Variants in PRIM2 observed in about 807,000 individuals in gnomAD.
The protein encoded by PRIM2 is DNA primase subunit 2.
PRIM2 carries 39 observed loss-of-function variants against 67.3 expected under a neutral mutation model. The observed-to-expected ratio is 0.58, with a 90% CI of 0.45 to 0.76. The LOEUF is 0.76. PRIM2 is among the 30% of genes least tolerant of loss of function. PRIM2 has a pLI of 0.00. For missense variants in PRIM2, 398 were observed against 598.7 expected, an observed-to-expected ratio of 0.66 and a Z score of 3.50; for synonymous variants, 143 against 198.7, an observed-to-expected ratio of 0.72 and a Z score of 2.36.
the PRIM2 span, among the ~76,000 whole-genome samples, chr6:57,224,961 G>A: frequency 6.6e-6 from 1 of 152,230 alleles, no homozygotes; most frequent in South Asian, 2.1e-4. Context: ...ACTAGGAGGA[G>A]GAGATTCCTA....
At chr6:57,542,223 G>A (rs1287319909) in intron 10 of PRIM2, among the ~76,000 whole-genome samples, 7 of 152,128 alleles carry the variant, frequency 4.6e-5, no homozygotes, top group African/African-American at 9.7e-5. Context: ...TGATCCACCC[G>A]CCTTGGCCTG....
At chr6:57,459,704 G>T (rs1299033276) in intron 7 of PRIM2, among the ~76,000 whole-genome samples, 3 of 152,146 alleles carry the variant, frequency 2.0e-5, no homozygotes, top group African/African-American at 7.2e-5. Flanking sequence ...ACAATATTGA[G>T]GCAGAATTCC....
chr6:57,524,175 T>C (rs1240599863), intron 8 of PRIM2, among the ~76,000 whole-genome samples: 1 of 152,228 alleles, frequency 6.6e-6, no homozygotes, highest in Non-Finnish European at 1.5e-5. Context: ...TGTGTAAATA[T>C]GTGTTTTGTA....
chr6:57,538,941 G>A (rs1186179177), intron 10 of PRIM2, among the ~76,000 whole-genome samples: 1 of 152,144 alleles, frequency 6.6e-6, no homozygotes, highest in Non-Finnish European at 1.5e-5. Context: ...ATTACAGTTG[G>A]ATTTGGAGTT....
At chr6:57,585,120 A>G (rs1348529176) in intron 10 of PRIM2, among the ~76,000 whole-genome samples, 3 of 152,318 alleles carry the variant, frequency 2.0e-5, no homozygotes, top group East Asian at 3.9e-4. Flanking sequence ...TTAAGCTCCT[A>G]TGAGGAGTTA....
At chr6:57,623,071 T>C (rs1353666857) in intron 12 of PRIM2, among the ~76,000 whole-genome samples, 3 of 152,224 alleles carry the variant, frequency 2.0e-5, no homozygotes, top group Non-Finnish European at 4.4e-5. Flanking sequence ...GCAGCTTTTG[T>C]ATCTATTTCA....
At chr6:57,492,649 C>T (rs1356301073) in intron 7 of PRIM2, among the ~76,000 whole-genome samples, 5 of 151,840 alleles carry the variant, frequency 3.3e-5, no homozygotes, top group African/African-American at 1.2e-4. Context: ...AATTAGTATA[C>T]AAAGTTATTG....
chr6:57,442,462 G>T (rs1772231011), intron 7 of PRIM2, among the ~76,000 whole-genome samples: 1 of 151,994 alleles, frequency 6.6e-6, no homozygotes, highest in South Asian at 2.1e-4. Flanking sequence ...TGCTAAAAAT[G>T]TAAATAATTA....
At chr6:57,439,190 C>A (rs1772112894) in intron 7 of PRIM2, among the ~76,000 whole-genome samples, 1 of 152,014 alleles carries the variant, frequency 6.6e-6, no homozygotes, top group Non-Finnish European at 1.5e-5. Context: ...TGGTTGAAGA[C>A]TTTAGATATT....
chr6:57,363,791 T>C (rs1769269091), intron 5 of PRIM2, among the ~76,000 whole-genome samples: 1 of 152,192 alleles, frequency 6.6e-6, no homozygotes, highest in Non-Finnish European at 1.5e-5. Flanking sequence ...ATTTGTAGAT[T>C]GGTGTCTTAT....
At chr6:57,366,379 C>A (rs1769358405) in intron 5 of PRIM2, among the ~76,000 whole-genome samples, 1 of 152,060 alleles carries the variant, frequency 6.6e-6, no homozygotes, top group Non-Finnish European at 1.5e-5. Context: ...TAAAAAGGAA[C>A]TTTGATGGAC....
the PRIM2 span, among the ~76,000 whole-genome samples, chr6:57,302,198 A>G: frequency 2.6e-5 from 4 of 152,224 alleles, no homozygotes; most frequent in African/African-American, 9.6e-5. Context: ...AAATATTAAT[A>G]TCTGCTAAGT....
At chr6:57,586,656 T>C (rs1473661648) in intron 10 of PRIM2, among the ~76,000 whole-genome samples, 1 of 152,200 alleles carries the variant, frequency 6.6e-6, no homozygotes, top group East Asian at 1.9e-4. Flanking sequence ...TTCTGATTTC[T>C]CACAGGAATC....
At chr6:57,459,944 T>G (rs1172383272) in intron 7 of PRIM2, among the ~76,000 whole-genome samples, 1 of 152,188 alleles carries the variant, frequency 6.6e-6, no homozygotes, top group African/African-American at 2.4e-5. Context: ...GAAAAGGTAC[T>G]GCCTGCAGCA....
intron 5 of PRIM2, among the ~76,000 whole-genome samples, chr6:57,330,879 C>T (rs1225771621): frequency 6.6e-6 from 1 of 151,928 alleles, no homozygotes; most frequent in East Asian, 1.9e-4. Flanking sequence ...TGGTTTCTGT[C>T]CTTTATTAAT....
Position 57,324,153 on chromosome 6 carries a change from C to A in PRIM2, c.259-48C>A, listed in dbSNP as rs554804203. The A allele has an allele frequency of 3.7e-6, 4 of 1,068,030 alleles. No individual in the cohort carries two copies. The East Asian group carries it at 9.7e-5, about 26-fold the overall frequency. The allele number at this position is 1,068,030 out of a possible 1,614,324, so 66.2% of individuals were successfully genotyped here. A position where few individuals can be genotyped will look rare whatever the true frequency, so the allele number is the denominator to read the frequency against. ...GCTGGCTCAGTATTTCCTTACACCT[C>A]TTACCATTCTAATGCATTTATTTTA... is the stretch of plus-strand genomic sequence containing the variant. On this transcript the variant is annotated intron_variant, in intron 3 of 13. Coordinates refer to ENST00000615550, the MANE Select transcript of PRIM2 (RefSeq NM_000947.5).
At chr6:57,300,443 G>A in the PRIM2 span, among the ~76,000 whole-genome samples, 235 of 152,144 alleles carry the variant, frequency 1.5e-3, 4 homozygotes, top group Middle Eastern at 0.01. Context: ...GTATGAGCTC[G>A]TGTGTGTGTA....
chr6:57,246,886 A>G, the PRIM2 span, among the ~76,000 whole-genome samples: 1 of 143,766 alleles, frequency 7.0e-6, no homozygotes, highest in East Asian at 2.0e-4. Flanking sequence ...ACGGAGTCTC[A>G]CTCTGTCGCC....
chr6:57,322,830 C>G (rs1467984632), intron 3 of PRIM2, among the ~76,000 whole-genome samples: 3 of 152,046 alleles, frequency 2.0e-5, no homozygotes, highest in Admixed American at 2.0e-4. Context: ...TGCCTGGTAG[C>G]CTTTATTTTC....
Sources: gnomAD v4.1 joint callset for allele counts (sites outside exome capture counted in the v4.1 genomes callset) on GRCh38, gnomAD v4.1.1 for gene constraint, MANE v1.5 for transcripts, NCBI Gene and HGNC (gene_info 2026-07-23, HGNC 2026-07-21) for gene names.